The following GPC3 variants were observed in gnomAD, a reference collection of about 807,000 sequenced individuals.
GPC3 encodes glypican-3.
GPC3 carries 3 observed loss-of-function variants against 34.4 expected under a neutral mutation model. The observed-to-expected ratio is 0.09, with a 90% CI of 0.04 to 0.23. The LOEUF (loss-of-function observed/expected upper bound fraction) is 0.23, where lower values mean the gene tolerates loss of function less well. Among genes scored for constraint, GPC3 ranks in the 10% least tolerant of loss-of-function variants. The pLI, the probability that GPC3 is intolerant of heterozygous loss-of-function variation, is 1.00. For synonymous variants in GPC3, 177 were observed against 174.0 expected (o/e 1.02, Z -0.13); for missense variants, 351 against 445.6 (o/e 0.79, Z 1.91).
At chrX:133,676,510 G>T (rs984696179) in intron 5 of GPC3, among the ~76,000 whole-genome samples, 5 of 112,002 alleles carry the variant, frequency 4.5e-5, no homozygotes, top group African/African-American at 1.6e-4. Context: ...AATAACAAAG[G>T]GGGAGAAAAG....
intron 5 of GPC3, among the ~76,000 whole-genome samples, chrX:133,674,871 G>A (rs1234942131): frequency 9.0e-6 from 1 of 111,684 alleles, no homozygotes; most frequent in Admixed American, 9.5e-5. Context: ...GTCTCCAGTC[G>A]CTGCAGGGCC....
intron 2 of GPC3, among the ~76,000 whole-genome samples, chrX:133,948,008 G>T (rs2076376415): frequency 9.0e-6 from 1 of 110,918 alleles, no homozygotes; most frequent in Non-Finnish European, 1.9e-5. Context: ...ATGCAATGGG[G>T]CTCAGCCTGC....
intron 6 of GPC3, among the ~76,000 whole-genome samples, chrX:133,645,997 A>T (rs1263446779): frequency 9.1e-6 from 1 of 110,325 alleles, no homozygotes; most frequent in East Asian, 2.8e-4. Context: ...TACACAAAAA[A>T]AATTGTTTCT....
At chrX:133,740,475 TG>T (rs745822566) in intron 3 of GPC3, among the ~76,000 whole-genome samples, 1 of 112,678 alleles carries the variant, frequency 8.9e-6, no homozygotes, top group South Asian at 3.7e-4. Flanking sequence ...CCTGCTTTTT[TG>T]TCTAGAACTT....
intron 2 of GPC3, among the ~76,000 whole-genome samples, chrX:133,764,817 A>G (rs1340756466): frequency 9.0e-6 from 1 of 111,590 alleles, no homozygotes; most frequent in Admixed American, 9.5e-5. Flanking sequence ...CATCTCGATG[A>G]GTTATTTCTG....
intron 2 of GPC3, among the ~76,000 whole-genome samples, chrX:133,916,339 CT>C (rs1190235521): frequency 1.8e-5 from 2 of 110,951 alleles, no homozygotes; most frequent in Non-Finnish European, 3.8e-5. Context: ...TATATATACA[CT>C]TTTTTCTATT....
intron 7 of GPC3, among the ~76,000 whole-genome samples, chrX:133,580,278 G>A (rs2069721158): frequency 8.9e-6 from 1 of 111,804 alleles, no homozygotes; most frequent in Admixed American, 9.5e-5. Context: ...TCCTTAAGTT[G>A]AACATGTTTC....
chrX:133,634,878 A>T (rs918181650), intron 6 of GPC3, among the ~76,000 whole-genome samples: 1 of 112,079 alleles, frequency 8.9e-6, no homozygotes, highest in African/African-American at 3.2e-5. Context: ...TGCAAGATGG[A>T]GAGATTATGC....
At chrX:133,819,065 C>T (rs2075706403) in intron 2 of GPC3, among the ~76,000 whole-genome samples, 1 of 106,020 alleles carries the variant, frequency 9.4e-6, no homozygotes, top group Non-Finnish European at 1.9e-5. Context: ...CATATGTATA[C>T]ATGTGCCATG....
chrX:133,957,931 T>C (rs913457312), intron 1 of GPC3, among the ~76,000 whole-genome samples: 1 of 111,093 alleles, frequency 9.0e-6, no homozygotes, highest in Non-Finnish European at 1.9e-5. Flanking sequence ...AGGAGAAGAC[T>C]TAGCAATTGA....
chrX:133,593,354 T>TAAAAAAAAAAAAAAAAAAAAAAAAAGA (rs1186766438), intron 7 of GPC3, among the ~76,000 whole-genome samples: 4 of 47,709 alleles, frequency 8.4e-5, no homozygotes, highest in East Asian at 5.9e-4. Context: ...AAAAAAAAAG[T>TAAAAAAAAAAAAAAAAAAAAAAAAAGA]AAAAAAAAAA....
rs2076412790 is a variant in GPC3 at position 133,955,512 on chromosome X, C to T, written c.176-2301G>A. 2.7e-5 allele frequency among the ~76,000 whole-genome samples: 3 copies of T among 111,569 alleles called. No homozygotes were observed. The South Asian group carries it at 1.2e-3, about 43-fold the overall frequency. ...CATATTGGATTAGATATGAATCCAACTGGCATCTGCTTCTCAGAGAACCCA... is the reference window on the plus strand; with the variant it reads ...CATATTGGATTAGATATGAATCCAATTGGCATCTGCTTCTCAGAGAACCCA... On this transcript the variant is annotated intron_variant, in intron 1 of 7. Coordinates refer to ENST00000370818, the MANE Select transcript of GPC3 (RefSeq NM_004484.4).
chrX:133,849,788 T>A (rs1289474618), intron 2 of GPC3, among the ~76,000 whole-genome samples: 1 of 111,064 alleles, frequency 9.0e-6, no homozygotes, highest in Non-Finnish European at 1.9e-5. Context: ...CTTAACCACA[T>A]TCAACATATT....
chrX:133,954,945 C>T (rs1002353503), intron 1 of GPC3, among the ~76,000 whole-genome samples: 6 of 109,452 alleles, frequency 5.5e-5, no homozygotes, highest in South Asian at 4.0e-4. Context: ...GATGGGGTTT[C>T]GCCATGTTGG....
At chrX:133,934,747 C>T (rs1276382971) in intron 2 of GPC3, among the ~76,000 whole-genome samples, 6 of 105,540 alleles carry the variant, frequency 5.7e-5, no homozygotes, top group African/African-American at 2.1e-4. Context: ...GGTCTTCGAA[C>T]TCCTGGGTTC....
Position 133,629,522 on chromosome X carries a change from A to G in GPC3, c.1413+32208T>C, listed in dbSNP as rs185208789. ...GCGATTCTCCTGCCTCGGCCTCCCA[A>G]GTAGCTGGGACTACGGGCACGCATC... is the stretch of plus-strand genomic sequence containing the variant. On this transcript the variant is annotated intron_variant, in intron 6 of 7. Transcript: ENST00000370818. Among the ~76,000 whole-genome samples, 1,062 of 110,007 alleles carry G rather than the reference A, an allele frequency of 9.7e-3. 15 individuals carry two copies. Among genetic ancestry groups the G allele is most frequent in the African/African-American group, 0.034 (1,021 of 30,230 alleles).
chrX:133,676,130 G>T (rs1185162691), intron 5 of GPC3, among the ~76,000 whole-genome samples: 2 of 112,081 alleles, frequency 1.8e-5, no homozygotes, highest in African/African-American at 6.5e-5. Context: ...TGGTGCAGGG[G>T]GGCTGCCGTG....
rs189073098 is a variant in GPC3 at position 133,931,125 on chromosome X, A to T, written c.337+21925T>A. Among the ~76,000 whole-genome samples, 233 of 111,490 alleles carry T rather than the reference A, an allele frequency of 2.1e-3. 2 individuals are homozygous for T. The highest frequency in any genetic ancestry group is 6.1e-3 in the African/African-American group (188 of 30,698). On this transcript the variant is annotated intron_variant, in intron 2 of 7. Coordinates refer to ENST00000370818, the MANE Select transcript of GPC3 (RefSeq NM_004484.4). Reference sequence around the variant, plus strand: ...ATGGTACTAACAGTATCTACTTTATAGGGTTGCTGTGAGGATTCAATGTGT... The same window carrying T: ...ATGGTACTAACAGTATCTACTTTATTGGGTTGCTGTGAGGATTCAATGTGT...
intron 2 of GPC3, among the ~76,000 whole-genome samples, chrX:133,892,611 T>C (rs1603267101): frequency 9.0e-6 from 1 of 110,619 alleles, no homozygotes; most frequent in East Asian, 2.9e-4. Flanking sequence ...TTTAACTAAA[T>C]AGTGATCAGG....
Sources: gnomAD v4.1 joint callset for allele counts (sites outside exome capture counted in the v4.1 genomes callset) on GRCh38, gnomAD v4.1.1 for gene constraint, MANE v1.5 for transcripts, NCBI Gene and HGNC (gene_info 2026-07-23, HGNC 2026-07-21) for gene names.